ALCAM: variants seen among roughly 807,000 people sequenced by gnomAD.
ALCAM encodes CD166 antigen.
In ALCAM, 30 loss-of-function variants were observed where a neutral mutation model predicts 70.9. The observed-to-expected ratio is 0.42, with a 90% CI of 0.32 to 0.57. The LOEUF is 0.57. Ranked by LOEUF, ALCAM falls within the 20% of genes least tolerant of loss-of-function variation. The pLI is 0.11. For missense variants in ALCAM, 591 were observed against 695.1 expected, an observed-to-expected ratio of 0.85 and a Z score of 1.68; for synonymous variants, 249 against 242.5, an observed-to-expected ratio of 1.03 and a Z score of -0.25.
At chr3:105,541,597 A>G in intron 7 of ALCAM, 36 bp from the exon 8 acceptor site, 1 of 1,604,904 alleles carries the variant, frequency 6.2e-7, no homozygotes, top group South Asian at 1.1e-5. Flanking sequence ...TGTAGCGACC[A>G]AGTATAATCA....
At chr3:105,486,930 G>A (rs911060729) in intron 1 of ALCAM, among the ~76,000 whole-genome samples, 14 of 132,396 alleles carry the variant, frequency 1.1e-4, no homozygotes, top group Non-Finnish European at 1.6e-4. Context: ...ATTATTCTTC[G>A]GCTATCTCTC....
chr3:105,524,348 G>A lies in ALCAM; in HGVS notation c.234G>A (p.Val78=). The A allele has an allele frequency of 3.7e-6, 6 of 1,614,122 alleles. No individual in the cohort carries two copies. The highest frequency in any genetic ancestry group is 5.1e-6 in the Non-Finnish European group (6 of 1,179,990). The change falls in exon 3 of 16, where the codon GTG becomes GTA. Residue 78 remains valine, a synonymous_variant. Coordinates refer to ENST00000306107, the MANE Select transcript of ALCAM (RefSeq NM_001627.4). ...TCAGATCCTCTACAAAGAAAAGTGT[G>A]CAGTACGACGATGTACCAGAATACA... ...IAFRSSTKKS[V]QYDDVPEYKD... is the part of the protein sequence containing the mutation.
intron 1 of ALCAM, among the ~76,000 whole-genome samples, chr3:105,472,160 C>T (rs1937953134): frequency 6.6e-6 from 1 of 151,164 alleles, no homozygotes; most frequent in South Asian, 2.1e-4. Context: ...GATTATCACC[C>T]TCATGTAGGC....
chr3:105,542,175 C>T (rs113735602), intron 8 of ALCAM, among the ~76,000 whole-genome samples: 1 of 151,804 alleles, frequency 6.6e-6, no homozygotes, highest in Non-Finnish European at 1.5e-5. Context: ...CAAACTCAGA[C>T]AATACAAAGT....
chr3:105,423,006 T>G (rs1006188254), intron 1 of ALCAM, among the ~76,000 whole-genome samples: 1 of 151,528 alleles, frequency 6.6e-6, no homozygotes, highest in Non-Finnish European at 1.5e-5. Flanking sequence ...ACTGGAATCT[T>G]CTAATGTAAG....
chr3:105,409,171 A>G (rs928283490), intron 1 of ALCAM, among the ~76,000 whole-genome samples: 37 of 152,014 alleles, frequency 2.4e-4, no homozygotes, highest in Non-Finnish European at 2.2e-4. Context: ...TAGATCTACT[A>G]TTTGATCCAG....
At chr3:105,525,820 G>A (rs1939691179) in intron 3 of ALCAM, among the ~76,000 whole-genome samples, 1 of 152,178 alleles carries the variant, frequency 6.6e-6, no homozygotes, top group East Asian at 1.9e-4. Context: ...AGCTTAGAAG[G>A]CACTTTCCAG....
intron 1 of ALCAM, among the ~76,000 whole-genome samples, chr3:105,425,346 C>T (rs1047377722): frequency 1.3e-5 from 2 of 151,580 alleles, no homozygotes; most frequent in Non-Finnish European, 2.9e-5. Context: ...TTGAGCAGGG[C>T]AGGGGAGGCA....
chr3:105,552,358 A>G (rs763022585), intron 13 of ALCAM, 110 bp from the exon 14 acceptor site: 155 of 1,304,226 alleles, frequency 1.2e-4, no homozygotes, highest in Non-Finnish European at 1.3e-4. Context: ...TTGCATGTTA[A>G]TTACTGTAGT....
chr3:105,516,039 C>A (rs9283550), intron 1 of ALCAM, among the ~76,000 whole-genome samples: 92,320 of 151,666 alleles, frequency 0.61, 28,641 homozygotes, highest in East Asian at 0.84. Flanking sequence ...ACTTCTTTTA[C>A]GGATGATGAT....
At chr3:105,474,596 A>G (rs183353845) in intron 1 of ALCAM, among the ~76,000 whole-genome samples, 2,319 of 120,316 alleles carry the variant, frequency 0.019, 23 homozygotes, top group Middle Eastern at 0.059. Flanking sequence ...TTTTCTTGCG[A>G]AAAAAAAAGA....
At chr3:105,551,029 T>C (rs528038768) in intron 12 of ALCAM, among the ~76,000 whole-genome samples, 13 of 151,702 alleles carry the variant, frequency 8.6e-5, no homozygotes, top group Non-Finnish European at 1.3e-4. Flanking sequence ...GACAGGATGC[T>C]AACTGACCTG....
intron 1 of ALCAM, among the ~76,000 whole-genome samples, chr3:105,394,131 G>A (rs142426857): frequency 6.6e-6 from 1 of 151,896 alleles, no homozygotes; most frequent in South Asian, 2.1e-4. Flanking sequence ...TATGGTAACA[G>A]CCTGTAAGCC....
chr3:105,516,960 A>T (rs576749695), intron 1 of ALCAM, among the ~76,000 whole-genome samples: 41 of 152,190 alleles, frequency 2.7e-4, no homozygotes, highest in Non-Finnish European at 4.1e-4. Context: ...AGTAAGCTAA[A>T]CTCAATTTTT....
intron 1 of ALCAM, among the ~76,000 whole-genome samples, chr3:105,394,689 C>G (rs1935905376): frequency 6.6e-6 from 1 of 151,820 alleles, no homozygotes; most frequent in East Asian, 1.9e-4. Flanking sequence ...GTGTTTAGTA[C>G]TACACAACTC....
intron 1 of ALCAM, among the ~76,000 whole-genome samples, chr3:105,498,047 G>A (rs1484442952): frequency 6.9e-6 from 1 of 144,760 alleles, no homozygotes; most frequent in Middle Eastern, 3.5e-3. Context: ...AAAAAAAAAG[G>A]GGGGAAATTG....
intron 1 of ALCAM, among the ~76,000 whole-genome samples, chr3:105,518,192 C>T (rs1272382324): frequency 6.6e-6 from 1 of 151,968 alleles, no homozygotes; most frequent in Admixed American, 6.6e-5. Flanking sequence ...CACTCCTTGG[C>T]CAATCATGAA....
At chr3:105,397,070 T>G (rs1029494361) in intron 1 of ALCAM, among the ~76,000 whole-genome samples, 1 of 152,100 alleles carries the variant, frequency 6.6e-6, no homozygotes, top group African/African-American at 2.4e-5. Context: ...TCCCATTTTC[T>G]ACTAAAGTTT....
chr3:105,477,224 C>T (rs1938145038), intron 1 of ALCAM, among the ~76,000 whole-genome samples: 1 of 151,990 alleles, frequency 6.6e-6, no homozygotes, highest in Admixed American at 6.6e-5. Context: ...TTTATATTTA[C>T]CCACATATTT....
Sources: gnomAD v4.1 joint callset for allele counts (sites outside exome capture counted in the v4.1 genomes callset) on GRCh38, gnomAD v4.1.1 for gene constraint, MANE v1.5 for transcripts, NCBI Gene and HGNC (gene_info 2026-07-23, HGNC 2026-07-21) for gene names.